FAM241A: variants seen among roughly 807,000 people sequenced by gnomAD.
FAM241A encodes uncharacterized protein FAM241A.
FAM241A carries 7 observed loss-of-function variants against 12.2 expected under a neutral mutation model. That is an observed-to-expected ratio of 0.58 (90% confidence interval 0.33 to 1.08). The LOEUF is 1.08. Ranked by LOEUF, FAM241A falls within the 50% of genes least tolerant of loss-of-function variation. The pLI is 0.04. For synonymous variants in FAM241A, 74 were observed against 68.2 expected (o/e 1.08, Z -0.42); for missense variants, 161 against 169.7 (o/e 0.95, Z 0.29).
intron 1 of FAM241A, among the ~76,000 whole-genome samples, chr4:112,185,107 C>T (rs1024677574): frequency 6.6e-6 from 1 of 151,966 alleles, no homozygotes; most frequent in Non-Finnish European, 1.5e-5. Context: ...ATAATAAATT[C>T]TCCATCATGT....
rs1724072309 is a variant in FAM241A at position 112,187,598 on chromosome 4, C to T, written c.*660C>T. On this transcript the variant is annotated 3_prime_UTR_variant, in exon 2 of 2. Transcript: ENST00000309733. ...ACTTTTTTAAAATGTAACATTTGGA[C>T]CTAGACCTACTTTAATATATCATTT... 6.6e-6 allele frequency: 1 copy of T among 152,438 alleles called. No homozygotes were observed. The highest frequency in any genetic ancestry group is 1.5e-5 in the Non-Finnish European group (1 of 67,976). 9.4% of individuals were successfully genotyped at this position (152,438 alleles called of 1,614,324 possible). A position where few individuals can be genotyped will look rare whatever the true frequency, so the allele number is the denominator to read the frequency against.
At chr4:112,158,562 G>A in intron 1 of FAM241A, among the ~76,000 whole-genome samples, 1 of 152,088 alleles carries the variant, frequency 6.6e-6, no homozygotes, top group East Asian at 1.9e-4. Context: ...AGTAGGGAAA[G>A]AGAGACAATG....
intron 1 of FAM241A, chr4:112,171,312 CTG>C (rs1423266903): frequency 2.6e-6 from 2 of 755,270 alleles, no homozygotes; most frequent in Admixed American, 3.4e-5. Context: ...CAAGGATTCT[CTG>C]TATGCCCAGG....
intron 1 of FAM241A, among the ~76,000 whole-genome samples, chr4:112,149,253 G>A (rs887536414): frequency 2.0e-5 from 3 of 151,828 alleles, no homozygotes; most frequent in Non-Finnish European, 4.4e-5. Context: ...CAATCCTCCC[G>A]TCTCAGCCTC....
chr4:112,163,193 A>C (rs1362078329), intron 1 of FAM241A, among the ~76,000 whole-genome samples: 1 of 152,256 alleles, frequency 6.6e-6, no homozygotes, highest in Non-Finnish European at 1.5e-5. Context: ...TTAGACCTAA[A>C]ACCATAAAAA....
chr4:112,146,870 A>G (rs1723148095), intron 1 of FAM241A, among the ~76,000 whole-genome samples: 1 of 152,236 alleles, frequency 6.6e-6, no homozygotes, highest in Non-Finnish European at 1.5e-5. Flanking sequence ...TATAAGAGAA[A>G]GTGACTCAAG....
rs372520450 is a variant in FAM241A at position 112,153,580 on chromosome 4, T to C, written c.153+7847T>C. Among the ~76,000 whole-genome samples, 8 of 152,206 alleles carry C rather than the reference T, an allele frequency of 5.3e-5. No homozygotes were observed. The East Asian group carries it at 7.7e-4, about 15-fold the overall frequency. On this transcript the variant is annotated intron_variant, in intron 1 of 1. Transcript: ENST00000309733. ...TGAAATGTAGCTTCTTTTGAGCAGA[T>C]AAACCGAGTTTCTAACCAACCTGAT...
At chr4:112,177,326 G>A (rs965413668) in intron 1 of FAM241A, among the ~76,000 whole-genome samples, 1 of 152,124 alleles carries the variant, frequency 6.6e-6, no homozygotes, top group Non-Finnish European at 1.5e-5. Context: ...CTTTTCAGAG[G>A]TGGAATACAT....
intron 1 of FAM241A, among the ~76,000 whole-genome samples, chr4:112,175,198 G>A (rs2110431486): frequency 6.6e-6 from 1 of 152,232 alleles, no homozygotes; most frequent in South Asian, 2.1e-4. Context: ...AAGTAGATAT[G>A]CTAGCTATAT....
Position 112,193,854 on chromosome 4 carries a change from C to A in FAM241A, c.*6916C>A, listed in dbSNP as rs550371229. The A allele has an allele frequency of 6.7e-5, 10 of 149,122 alleles. No individual in the cohort carries two copies. The East Asian group carries it at 2.0e-3, about 29-fold the overall frequency. The allele number at this position is 149,122 out of a possible 1,614,324, so 9.2% of individuals were successfully genotyped here. On this transcript the variant is annotated 3_prime_UTR_variant, in exon 2 of 2. Coordinates refer to ENST00000309733, the MANE Select transcript of FAM241A (RefSeq NM_152400.3). Reference sequence around the variant, plus strand: ...GGGCTCTTTTTTGGTTCCATATGAACTTTAAAGTAGTTTTTTCCAATTCTG... The same window carrying A: ...GGGCTCTTTTTTGGTTCCATATGAAATTTAAAGTAGTTTTTTCCAATTCTG...
At chr4:112,168,003 A>G (rs1267845475) in intron 1 of FAM241A, among the ~76,000 whole-genome samples, 1 of 152,370 alleles carries the variant, frequency 6.6e-6, no homozygotes, top group East Asian at 1.9e-4. Flanking sequence ...TGCCACAAGT[A>G]GGGCACAGCA....
At position 112,145,700 on chromosome 4, in the gene FAM241A, G is replaced by A; in HGVS notation, c.120G>A (p.Arg40=). Residue 40 remains arginine, a synonymous_variant, in exon 1 of 2, where the codon CGG becomes CGA. Coordinates refer to ENST00000309733, the MANE Select transcript of FAM241A (RefSeq NM_152400.3). ...GTGWDPGASP[R]RRGQRPKESE... ...GGTGGGATCCCGGGGCGAGCCCGCG[G>A]CGGCGCGGACAGCGGCCGAAGGAGA... 9 of 1,204,594 alleles carry A rather than the reference G, an allele frequency of 7.5e-6. No individual in the cohort carries two copies. The highest frequency in any genetic ancestry group is 9.3e-6 in the Non-Finnish European group (9 of 969,998). The allele number at this position is 1,204,594 out of a possible 1,614,324, so 74.6% of individuals were successfully genotyped here.
intron 1 of FAM241A, among the ~76,000 whole-genome samples, chr4:112,163,305 A>T (rs1278287426): frequency 4.6e-5 from 7 of 152,236 alleles, no homozygotes; most frequent in Non-Finnish European, 8.8e-5. Context: ...CAAAATTGAC[A>T]AATGGGATCT....
intron 1 of FAM241A, among the ~76,000 whole-genome samples, chr4:112,167,512 T>C (rs1448960906): frequency 6.6e-6 from 1 of 152,228 alleles, no homozygotes; most frequent in Non-Finnish European, 1.5e-5. Context: ...GAGGTTTCTC[T>C]AAGACATTCA....
At chr4:112,158,441 T>C (rs907972768) in intron 1 of FAM241A, among the ~76,000 whole-genome samples, 1 of 152,150 alleles carries the variant, frequency 6.6e-6, no homozygotes, top group Non-Finnish European at 1.5e-5. Context: ...AGCCCATTGA[T>C]TTCAAACATT....
intron 1 of FAM241A, among the ~76,000 whole-genome samples, chr4:112,159,603 C>T (rs976075262): frequency 1.1e-4 from 16 of 151,974 alleles, no homozygotes; most frequent in African/African-American, 3.9e-4. Context: ...CGATTTATCC[C>T]AGGGACACAA....
chr4:112,181,697 T>A (rs1723947260), intron 1 of FAM241A, among the ~76,000 whole-genome samples: 1 of 152,128 alleles, frequency 6.6e-6, no homozygotes, highest in African/African-American at 2.4e-5. Context: ...AGGAAATAGT[T>A]TTTTGAGCAG....
chr4:112,159,965 A>T (rs909270116), intron 1 of FAM241A, among the ~76,000 whole-genome samples: 18 of 152,246 alleles, frequency 1.2e-4, no homozygotes, highest in African/African-American at 4.3e-4. Context: ...GGGCATCCAG[A>T]TTGGAAAGGA....
At chr4:112,149,566 G>T (rs1009956230) in intron 1 of FAM241A, among the ~76,000 whole-genome samples, 2 of 152,290 alleles carry the variant, frequency 1.3e-5, no homozygotes, top group African/African-American at 4.8e-5. Context: ...CTAGGTCAAT[G>T]AGTCAAACTC....
Sources: gnomAD v4.1 joint callset for allele counts (sites outside exome capture counted in the v4.1 genomes callset) on GRCh38, gnomAD v4.1.1 for gene constraint, MANE v1.5 for transcripts, NCBI Gene and HGNC (gene_info 2026-07-23, HGNC 2026-07-21) for gene names.